Variants in DCTN1 observed in about 807,000 individuals in gnomAD.
The protein encoded by DCTN1 is dynactin subunit 1.
A neutral mutation model predicts 161.2 loss-of-function variants in DCTN1; 61 were observed. The observed-to-expected ratio is 0.38, with a 90% confidence interval of 0.31 to 0.47. The LOEUF (loss-of-function observed/expected upper bound fraction) is 0.47, where lower values mean the gene tolerates loss of function less well. DCTN1 is among the 20% of genes least tolerant of loss of function. The pLI, the probability that DCTN1 is intolerant of heterozygous loss-of-function variation, is 0.99. For synonymous variants in DCTN1, 653 were observed against 632.4 expected (o/e 1.03, Z -0.49); for missense variants, 1,404 against 1,623.7 (o/e 0.86, Z 2.33).
upstream of DCTN1, among the ~76,000 whole-genome samples, chr2:74,384,674 C>T (rs1260715017): frequency 2.0e-5 from 3 of 152,134 alleles, no homozygotes; most frequent in Non-Finnish European, 4.4e-5. Context: ...CCATTTCTCC[C>T]CTGTCTGAAC....
Position 74,362,634 on chromosome 2 carries a change from G to A in DCTN1, c.3609+16C>T. ...TTATGCTGTGAAGTGAGCTCTGCCT[G>A]GCAAACTGAGCTGACCTTGAGCTTC... On this transcript the variant is annotated intron_variant, in intron 30 of 31. Transcript: ENST00000628224. The A allele has an allele frequency of 1.2e-6, 2 of 1,612,794 alleles. No homozygotes were observed. Among genetic ancestry groups the A allele is most frequent in the East Asian group, 2.2e-5 (1 of 44,854 alleles).
At chr2:74,363,805 A>G (rs996530458) in intron 26 of DCTN1, 177 bp from the exon 27 acceptor site, 9 of 831,762 alleles carry the variant, frequency 1.1e-5, no homozygotes, top group Middle Eastern at 2.3e-4. Flanking sequence ...GGACGAGCAG[A>G]TAAGTGTTAA....
rs765192491 is a variant in DCTN1 at position 74,371,613 on chromosome 2, G to A, written c.569C>T (p.Pro190Leu). The A allele has an allele frequency of 9.4e-6, 15 of 1,590,268 alleles. No individual in the cohort carries two copies. The highest frequency in any genetic ancestry group is 1.1e-5 in the South Asian group (1 of 87,334). Residue 190 changes from proline to leucine, a missense_variant, in exon 8 of 32, where the codon CCG (proline) becomes CTG (leucine). Pro to Leu is a moderately conservative substitution (Grantham distance 98). Transcript: ENST00000628224. Reference sequence around the variant, plus strand: ...CGTGGGGATGATGGGTGCTGCCAGCGGAGTCTGAGCCGGGGTGCTGGGCTC... The same window carrying A: ...CGTGGGGATGATGGGTGCTGCCAGCAGAGTCTGAGCCGGGGTGCTGGGCTC... ...SSEPSTPAQT[P>L]LAAPIIPTPV...
At chr2:74,391,819 A>T in exon 1 of DCTN1, 1 of 453,696 alleles carries the variant, frequency 2.2e-6, no homozygotes, top group Non-Finnish European at 4.4e-6. Context: ...CTCCGCGCCC[A>T]GCTCCGACCC....
Position 74,380,206 on chromosome 2 carries a change from G to T in DCTN1, c.-169C>A. On this transcript the variant is annotated 5_prime_UTR_variant, in exon 1 of 32. Coordinates refer to ENST00000628224, the MANE Select transcript of DCTN1 (RefSeq NM_004082.5). Reference sequence around the variant, plus strand: ...CTCACTCGGTGGCCTACACGGGTAGGGGTGGGGGCAGTGATGGGGGCTGAG... The same window carrying T: ...CTCACTCGGTGGCCTACACGGGTAGTGGTGGGGGCAGTGATGGGGGCTGAG... 1.4e-6 allele frequency: 1 copy of T among 728,340 alleles called. No homozygotes were observed. The highest frequency in any genetic ancestry group is 2.4e-6 in the Non-Finnish European group (1 of 411,788). The allele number at this position is 728,340 out of a possible 1,614,324, so 45.1% of individuals were successfully genotyped here.
At position 74,370,820 on chromosome 2, in the gene DCTN1, G is replaced by A; in HGVS notation, c.849C>T (p.Ala283=). 1 of 1,614,166 alleles carries A rather than the reference G, an allele frequency of 6.2e-7. No homozygotes were observed. Among genetic ancestry groups the A allele is most frequent in the Non-Finnish European group, 8.5e-7 (1 of 1,180,024 alleles). Residue 283 remains alanine (A), a synonymous_variant, in exon 10 of 32, where the codon GCC becomes GCT. Coordinates refer to ENST00000628224, the MANE Select transcript of DCTN1 (RefSeq NM_004082.5). This position sits in a 1 kb window ranked among gnomAD's most constrained non-coding sequence, Gnocchi z 4.4. Reference sequence around the variant, plus strand: ...GTTCCTTTGCCTCCAGCGCCTCCTTGGCTTCCTGAGGAAGAAGTGGAGGTG... The same window carrying A: ...GTTCCTTTGCCTCCAGCGCCTCCTTAGCTTCCTGAGGAAGAAGTGGAGGTG... ...QRRLKEARKE[A]KEALEAKERY...
intron 7 of DCTN1, among the ~76,000 whole-genome samples, chr2:74,372,706 T>C (rs1674950252): frequency 6.6e-6 from 1 of 152,344 alleles, no homozygotes; most frequent in East Asian, 1.9e-4. Flanking sequence ...CATTTCTCTT[T>C]TGCATTCAAG....
Position 74,371,187 on chromosome 2 carries a change from G to A in DCTN1, c.646-11C>T, listed in dbSNP as rs13017272. On this transcript the variant is annotated splice_polypyrimidine_tract_variant and intron_variant, in intron 8 of 31. Transcript: ENST00000628224. ...TAGTCCCTCCTCCTCCTGCAAAGGA[G>A]AGGCCTCACGGTCTGTGCACAGCCC... is the stretch of plus-strand genomic sequence containing the variant. The A allele has an allele frequency of 6.2e-7, 1 of 1,612,754 alleles. No individual in the cohort carries two copies. The highest frequency in any genetic ancestry group is 8.5e-7 in the Non-Finnish European group (1 of 1,180,028).
At chr2:74,390,728 A>G in intron 1 of DCTN1, 1 of 392,728 alleles carries the variant, frequency 2.5e-6, no homozygotes, top group South Asian at 1.9e-5. Context: ...TCACCTGGGA[A>G]CTTGTTAGAA....
At chr2:74,374,625 T>C in intron 5 of DCTN1, 1 of 1,238,026 alleles carries the variant, frequency 8.1e-7, no homozygotes, top group Non-Finnish European at 1.0e-6. Context: ...ACCGGAGCGG[T>C]GCCTGGCCCA....
chr2:74,384,689 T>C (rs1193354880), upstream of DCTN1, among the ~76,000 whole-genome samples: 3 of 152,192 alleles, frequency 2.0e-5, no homozygotes, highest in Non-Finnish European at 4.4e-5. Context: ...CTGAACCATT[T>C]CTACCTTGTT....
chr2:74,368,118 C>T lies in DCTN1; in HGVS notation c.1868G>A (p.Arg623Gln), dbSNP rs763378572. Reference protein sequence around the residue: ...PRLICKAELIRKQAQEKFELS... With the variant: ...PRLICKAELIQKQAQEKFELS... ...TTCAAACTTCTCCTGGGCCTGCTTC[C>T]GGATCAGCTCTGCCTGTGGGAAAAA... The change falls in exon 17 of 32, where the codon CGG (arginine) becomes CAG (glutamine). Residue 623 changes from arginine (R) to glutamine (Q), a missense_variant. By Grantham distance (43) the Arg-to-Gln change is conservative. Transcript: ENST00000628224. The T allele has an allele frequency of 1.6e-5, 25 of 1,589,064 alleles. No individual in the cohort carries two copies. The highest frequency in any genetic ancestry group is 1.2e-4 in the South Asian group (11 of 88,020).
At chr2:74,379,449 T>C (rs1007972802) in intron 1 of DCTN1, among the ~76,000 whole-genome samples, 3 of 152,082 alleles carry the variant, frequency 2.0e-5, no homozygotes, top group African/African-American at 7.2e-5. Context: ...GAGGATGTAG[T>C]TCCCAGAGGC....
chr2:74,370,885 A>G lies in DCTN1; in HGVS notation c.844-60T>C. On this transcript the variant is annotated intron_variant, in intron 9 of 31. Transcript: ENST00000628224. The surrounding 1 kb of genome is among the most constrained non-coding windows in gnomAD (Gnocchi z 4.4). Reference sequence around the variant, plus strand: ...CACAGAGATGCCCCAGGCCTTTCTCACAGTATGTTCCAGGCTCCAGCTCCA... The same window carrying G: ...CACAGAGATGCCCCAGGCCTTTCTCGCAGTATGTTCCAGGCTCCAGCTCCA... 4.3e-6 allele frequency: 7 copies of G among 1,613,514 alleles called. No homozygotes were observed. Among genetic ancestry groups the G allele is most frequent in the Non-Finnish European group, 5.9e-6 (7 of 1,179,758 alleles).
upstream of DCTN1, chr2:74,380,398 G>A (rs556484978): frequency 2.2e-5 from 11 of 507,866 alleles, no homozygotes; most frequent in Admixed American, 1.2e-4. Context: ...AGAAACTAAG[G>A]GCTGGGCATA....
chr2:74,366,920 C>G lies in DCTN1; in HGVS notation c.2329G>C (p.Ala777Pro), dbSNP rs753656931. 7 of 1,614,210 alleles carry G rather than the reference C, an allele frequency of 4.3e-6. No homozygotes were observed. The highest frequency in any genetic ancestry group is 5.9e-6 in the Non-Finnish European group (7 of 1,180,032). Residue 777 changes from alanine to proline, a missense_variant, in exon 21 of 32, where the codon GCT (alanine) becomes CCT (proline). Ala to Pro is a conservative substitution (Grantham distance 27). Coordinates refer to ENST00000628224, the MANE Select transcript of DCTN1 (RefSeq NM_004082.5). ...CGGAGCAGGAGGGCAATATCTGTAG[C>G]CTCCTGCCCACCCTACTCAGGAAAA... is the stretch of plus-strand genomic sequence containing the variant. The part of the protein sequence containing the change: ...LRAFLQGGQE[A>P]TDIALLLRDL...
chr2:74,370,042 T>A lies in DCTN1; in HGVS notation c.1315A>T (p.Met439Leu). The A allele has an allele frequency of 6.2e-7, 1 of 1,613,996 alleles. No individual in the cohort carries two copies. The highest frequency in any genetic ancestry group is 8.5e-7 in the Non-Finnish European group (1 of 1,180,010). Residue 439 changes from methionine to leucine, a missense_variant, in exon 13 of 32, where the codon ATG (methionine) becomes TTG (leucine). Physicochemically the swap from Met to Leu is conservative, Grantham distance 15. This residue lies in a region of DCTN1 where 278 missense variants were observed against 363.8 expected (regional missense o/e 0.76). Coordinates refer to ENST00000628224, the MANE Select transcript of DCTN1 (RefSeq NM_004082.5). The surrounding 1 kb of genome is among the most constrained non-coding windows in gnomAD (Gnocchi z 4.4). Reference sequence around the variant, plus strand: ...TTCCGATCTGTCAGCATCTCCACCATCTCCTCAGCACCCAGAGCAGCATCC... The same window carrying A: ...TTCCGATCTGTCAGCATCTCCACCAACTCCTCAGCACCCAGAGCAGCATCC... ...QVDAALGAEEMVEMLTDRNLN... is the reference protein window; with the variant it reads ...QVDAALGAEELVEMLTDRNLN...
Position 74,361,401 on chromosome 2 carries a change from C to T in DCTN1, c.*98G>A. Reference sequence around the variant, plus strand: ...CTGAACGGGGCAGGAAGAGCTTAACCCACGTTTCTACCTGGGGGCTGGCTG... The same window carrying T: ...CTGAACGGGGCAGGAAGAGCTTAACTCACGTTTCTACCTGGGGGCTGGCTG... On this transcript the variant is annotated 3_prime_UTR_variant, in exon 32 of 32. Transcript: ENST00000628224. 1 of 1,569,308 alleles carries T rather than the reference C, an allele frequency of 6.4e-7. No homozygotes were observed. Among genetic ancestry groups the T allele is most frequent in the Non-Finnish European group, 8.7e-7 (1 of 1,149,064 alleles).
intron 23 of DCTN1, 99 bp downstream of exon 23, chr2:74,366,145 G>A: frequency 6.2e-7 from 1 of 1,609,858 alleles, no homozygotes; most frequent in Non-Finnish European, 8.5e-7. Context: ...CTCTCCAGAT[G>A]CCTTCCTCCT....
Sources: allele counts gnomAD v4.1 joint callset (sites outside exome capture counted in the v4.1 genomes callset), GRCh38; gene constraint gnomAD v4.1.1; regional missense constraint gnomAD v4.1.1; non-coding constraint Gnocchi (gnomAD v3.1); transcripts MANE v1.5; gene names NCBI Gene and HGNC (gene_info 2026-07-23, HGNC 2026-07-21).